BCL2L14: variants seen among roughly 807,000 people sequenced by gnomAD.
The protein encoded by BCL2L14 is BCL2 like 14.
Under a neutral mutation model 35.3 loss-of-function variants are expected in BCL2L14, and 27 were observed. The ratio of observed to expected loss-of-function variants is 0.76; its 90% CI spans 0.56 to 1.05. The LOEUF (loss-of-function observed/expected upper bound fraction) is 1.05. Among genes scored for constraint, BCL2L14 ranks in the 50% least tolerant of loss-of-function variants. The pLI is 0.00. For synonymous variants in BCL2L14, 139 were observed against 145.9 expected (o/e 0.95, Z 0.34); for missense variants, 377 against 382.6 (o/e 0.99, Z 0.12).
chr12:12,061,076 G>C (rs1948516919), intron 2 of BCL2L14, among the ~76,000 whole-genome samples: 1 of 103,550 alleles, frequency 9.7e-6, no homozygotes, highest in African/African-American at 3.8e-5. Context: ...CCCAACTCTA[G>C]TGCCAACTTA....
At chr12:12,063,554 A>G (rs1948556198) in intron 2 of BCL2L14, among the ~76,000 whole-genome samples, 1 of 151,898 alleles carries the variant, frequency 6.6e-6, no homozygotes, top group African/African-American at 2.4e-5. Flanking sequence ...CGCCACCCCA[A>G]TCCCACTCGA....
At chr12:12,084,946 A>T (rs61923197) in intron 2 of BCL2L14, among the ~76,000 whole-genome samples, 2 of 150,874 alleles carry the variant, frequency 1.3e-5, no homozygotes, top group Non-Finnish European at 3.0e-5. Context: ...TAGTGGCGGG[A>T]GCCACTACGT....
At chr12:12,057,939 GTGTT>G (rs1368188504) in intron 2 of BCL2L14, among the ~76,000 whole-genome samples, 5 of 117,800 alleles carry the variant, frequency 4.2e-5, no homozygotes, top group Admixed American at 1.0e-4. Context: ...AGTCTTTTGT[GTGTT>G]TGTCTTTTTT....
At chr12:12,080,753 C>T (rs950161471) in intron 2 of BCL2L14, among the ~76,000 whole-genome samples, 5 of 152,266 alleles carry the variant, frequency 3.3e-5, no homozygotes, top group Middle Eastern at 3.4e-3. Context: ...CCCACTCTCT[C>T]CACCTCGTAT....
chr12:12,056,646 C>T (rs1948436888), intron 2 of BCL2L14, among the ~76,000 whole-genome samples: 1 of 152,186 alleles, frequency 6.6e-6, no homozygotes, highest in East Asian at 1.9e-4. Flanking sequence ...CCAGCCTGAC[C>T]AACATGGTGA....
At position 12,057,947 on chromosome 12, in the gene BCL2L14, C is replaced by CT. The variant is rs71057796; in HGVS notation, c.-272+6119dup. On this transcript the variant is annotated intron_variant, in intron 2 of 3. Transcript: ENST00000461264. ...TTACTTAAGTCTTTTGTGTGTTTGTCTTTTTTTTTTTTTTTTTTTGAGATG... is the reference window on the plus strand; with the variant it reads ...TTACTTAAGTCTTTTGTGTGTTTGTCTTTTTTTTTTTTTTTTTTTTGAGATG... Among the ~76,000 whole-genome samples, 255 of 139,730 alleles carry CT rather than the reference C, an allele frequency of 1.8e-3. 2 individuals carry two copies. Among genetic ancestry groups the CT allele is most frequent in the African/African-American group, 4.0e-3 (144 of 36,302 alleles). The allele number at this position is 139,730 out of a possible 152,430, so 91.7% of individuals were successfully genotyped here. A position where few individuals can be genotyped will look rare whatever the true frequency, so the allele number is the denominator to read the frequency against.
At chr12:12,089,437 T>G (rs1489992116) in intron 3 of BCL2L14, among the ~76,000 whole-genome samples, 3 of 151,444 alleles carry the variant, frequency 2.0e-5, no homozygotes, top group African/African-American at 7.3e-5. Context: ...GGCTTACGTC[T>G]GTAATCCCAG....
intron 3 of BCL2L14, among the ~76,000 whole-genome samples, chr12:12,089,826 C>T (rs971090750): frequency 6.6e-6 from 1 of 152,286 alleles, no homozygotes; most frequent in Non-Finnish European, 1.5e-5. Flanking sequence ...ACCTTATTGT[C>T]AAGACCCAGC....
chr12:12,093,874 G>C (rs1477155087), intron 4 of BCL2L14, among the ~76,000 whole-genome samples: 1 of 151,502 alleles, frequency 6.6e-6, no homozygotes, highest in South Asian at 2.1e-4. Context: ...CCAACACTTT[G>C]GGGAGGCTGA....
intron 2 of BCL2L14, among the ~76,000 whole-genome samples, chr12:12,064,398 C>CTG (rs370878210): frequency 0.82 from 124,555 of 151,802 alleles, 51,221 homozygotes; most frequent in East Asian, 0.92. Context: ...CCCAAAAGCA[C>CTG]ACCCAAAAGG....
At chr12:12,096,273 C>A in intron 5 of BCL2L14, 2 of 678,878 alleles carry the variant, frequency 2.9e-6, no homozygotes, top group Non-Finnish European at 3.6e-6. Context: ...GGTTCACAGG[C>A]TAGCTCTCAA....
intron 2 of BCL2L14, among the ~76,000 whole-genome samples, chr12:12,058,916 C>G (rs1377149862): frequency 1.3e-5 from 2 of 152,210 alleles, no homozygotes; most frequent in Non-Finnish European, 2.9e-5. Context: ...AACATCTCAC[C>G]AATTTCAAAT....
intron 4 of BCL2L14, among the ~76,000 whole-genome samples, chr12:12,092,468 T>C (rs1949210104): frequency 6.6e-6 from 1 of 152,136 alleles, no homozygotes. Context: ...GCCGTGTGTG[T>C]GGCTGCAGGG....
intron 5 of BCL2L14, chr12:12,095,147 A>G: frequency 1.0e-6 from 1 of 985,380 alleles, no homozygotes; most frequent in Non-Finnish European, 1.2e-6. Flanking sequence ...AAGGGTATGC[A>G]GGGTATGTGT....
chr12:12,087,837 A>G (rs945412272), intron 3 of BCL2L14, among the ~76,000 whole-genome samples: 1 of 152,194 alleles, frequency 6.6e-6, no homozygotes, highest in Admixed American at 6.5e-5. Context: ...CAAGACATGG[A>G]GCAGAACTGA....
At position 12,099,009 on chromosome 12, in the gene BCL2L14, G is replaced by A. The variant is rs768013668; in HGVS notation, c.*21G>A. On this transcript the variant is annotated 3_prime_UTR_variant, in exon 6 of 6. Transcript: ENST00000308721. ...ACTGAAATATCAGATTTGTCATCAG[G>A]AATACTCTTTGTCTACTGTGGTCCT... 5.2e-5 allele frequency: 82 copies of A among 1,580,220 alleles called. No homozygotes were observed. The highest frequency in any genetic ancestry group is 6.8e-5 in the Non-Finnish European group (78 of 1,149,240).
intron 5 of BCL2L14, 119 bp from the exon 6 acceptor site, chr12:12,098,831 C>T: frequency 1.3e-6 from 1 of 755,592 alleles, no homozygotes; most frequent in Non-Finnish European, 2.4e-6. Context: ...CTCCCCCAAA[C>T]TAACATGGTC....
chr12:12,060,988 C>T (rs1468103465), intron 2 of BCL2L14, among the ~76,000 whole-genome samples: 1 of 97,008 alleles, frequency 1.0e-5, no homozygotes, highest in African/African-American at 4.1e-5. Flanking sequence ...ACATTACCTT[C>T]TTTTCAAGGG....
upstream of BCL2L14, among the ~76,000 whole-genome samples, chr12:12,069,934 C>T (rs527491631): frequency 2.1e-4 from 32 of 152,230 alleles, no homozygotes; most frequent in African/African-American, 6.7e-4. Context: ...CCCACTTTTA[C>T]GAAAATAGCA....
Sources: gnomAD v4.1 joint callset for allele counts (sites outside exome capture counted in the v4.1 genomes callset) on GRCh38, gnomAD v4.1.1 for gene constraint, MANE v1.5 for transcripts, NCBI Gene and HGNC (gene_info 2026-07-23, HGNC 2026-07-21) for gene names.